Variants in PARD3B observed in about 807,000 individuals in gnomAD.
The protein encoded by PARD3B is partitioning defective 3 homolog B.
Under a neutral mutation model 130.2 loss-of-function variants are expected in PARD3B, and 103 were observed. That is an observed-to-expected ratio of 0.79 (90% CI 0.67 to 0.93). The LOEUF is 0.93. Ranked by LOEUF, PARD3B falls within the 40% of genes least tolerant of loss-of-function variation. The pLI is 0.00. For synonymous variants in PARD3B, 583 were observed against 553.2 expected, an observed-to-expected ratio of 1.05 and a Z score of -0.76; for missense variants, 1,609 against 1,499.2, an observed-to-expected ratio of 1.07 and a Z score of -1.21.
intron 3 of PARD3B, among the ~76,000 whole-genome samples, chr2:205,006,957 A>C (rs1695314024): frequency 6.6e-6 from 1 of 152,110 alleles, no homozygotes; most frequent in African/African-American, 2.4e-5. Flanking sequence ...CTTAGATTTA[A>C]GTATTTGATT....
intron 2 of PARD3B, among the ~76,000 whole-genome samples, chr2:204,882,350 C>T (rs7593310): frequency 6.6e-6 from 1 of 152,134 alleles, no homozygotes; most frequent in Non-Finnish European, 1.5e-5. Context: ...TCTAGATTAC[C>T]TCTTTTGGAG....
intron 2 of PARD3B, among the ~76,000 whole-genome samples, chr2:204,832,297 T>C (rs1213941342): frequency 6.6e-6 from 1 of 152,208 alleles, no homozygotes; most frequent in Non-Finnish European, 1.5e-5. Context: ...GATTTTTTAG[T>C]GTACTTCCTC....
intron 2 of PARD3B, among the ~76,000 whole-genome samples, chr2:204,716,662 G>A (rs1420627260): frequency 4.3e-5 from 6 of 139,744 alleles, no homozygotes; most frequent in Middle Eastern, 3.9e-3. Flanking sequence ...TTGCTCTGTC[G>A]CCCAGGCTGG....
Position 204,943,406 on chromosome 2 carries a change from C to T in PARD3B, c.223-21746C>T, listed in dbSNP as rs1027027131. 6.6e-6 allele frequency among the ~76,000 whole-genome samples: 1 copy of T among 152,064 alleles called. No homozygotes were observed. Among genetic ancestry groups the T allele is most frequent in the African/African-American group, 2.4e-5 (1 of 41,410 alleles). On this transcript the variant is annotated intron_variant, in intron 2 of 22. Transcript: ENST00000406610. The surrounding 1 kb of genome is among the most constrained non-coding windows in gnomAD (Gnocchi z 4.2). ...AGATCCCAGCAATGAGCCCTTTCCT[C>T]TGCTTCTCATGGAGTTCTTACTGGT...
At chr2:204,919,586 A>G (rs890239410) in intron 2 of PARD3B, among the ~76,000 whole-genome samples, 6 of 152,138 alleles carry the variant, frequency 3.9e-5, no homozygotes, top group African/African-American at 1.4e-4. Flanking sequence ...GCTCCTTTCT[A>G]ATGCTGGGTG....
At chr2:204,794,642 C>G (rs2042309022) in intron 2 of PARD3B, among the ~76,000 whole-genome samples, 1 of 152,162 alleles carries the variant, frequency 6.6e-6, no homozygotes, top group Non-Finnish European at 1.5e-5. Context: ...GTCAAATAAT[C>G]AGGTAGTGAT....
intron 8 of PARD3B, 58 bp from the exon 9 acceptor site, chr2:205,124,269 G>C: frequency 7.6e-7 from 1 of 1,318,860 alleles, no homozygotes; most frequent in Non-Finnish European, 1.0e-6. Flanking sequence ...CTGTAAGACT[G>C]AATATAATAT....
At chr2:204,980,573 CT>C (rs1326954485) in intron 3 of PARD3B, among the ~76,000 whole-genome samples, 60 of 152,304 alleles carry the variant, frequency 3.9e-4, no homozygotes, top group African/African-American at 1.3e-3. Context: ...AGATTATTAT[CT>C]CCAGGCATAA....
chr2:204,829,115 G>A (rs750434355), intron 2 of PARD3B, among the ~76,000 whole-genome samples: 3 of 152,094 alleles, frequency 2.0e-5, no homozygotes, highest in Non-Finnish European at 4.4e-5. Flanking sequence ...ATCTTGTTCT[G>A]AAACATAACT....
At chr2:205,492,350 A>G (rs577953862) in intron 20 of PARD3B, among the ~76,000 whole-genome samples, 21 of 152,298 alleles carry the variant, frequency 1.4e-4, no homozygotes, top group African/African-American at 4.8e-4. Flanking sequence ...ATAGAATATT[A>G]TAGGCAATTA....
At chr2:205,009,321 GA>G (rs1432323047) in intron 3 of PARD3B, among the ~76,000 whole-genome samples, 14 of 152,124 alleles carry the variant, frequency 9.2e-5, no homozygotes, top group African/African-American at 3.4e-4. Context: ...ATTGAGTAGA[GA>G]AAAACATACC....
chr2:205,410,257 G>T (rs2046551963), intron 19 of PARD3B, among the ~76,000 whole-genome samples: 1 of 152,084 alleles, frequency 6.6e-6, no homozygotes, highest in African/African-American at 2.4e-5. Flanking sequence ...TCAGATTTGG[G>T]ATGCTCAACC....
At chr2:204,589,855 G>A (rs957772285) in intron 1 of PARD3B, among the ~76,000 whole-genome samples, 3 of 152,110 alleles carry the variant, frequency 2.0e-5, no homozygotes, top group African/African-American at 7.2e-5. Context: ...TCAACTTTTT[G>A]GCACAGTCCC....
chr2:205,370,301 C>G (rs1180112914), intron 18 of PARD3B, among the ~76,000 whole-genome samples: 1 of 152,144 alleles, frequency 6.6e-6, no homozygotes, highest in African/African-American at 2.4e-5. Flanking sequence ...AACCCCTCAT[C>G]TACTAGAACC....
intron 4 of PARD3B, among the ~76,000 whole-genome samples, chr2:205,102,347 A>G (rs912733310): frequency 5.3e-5 from 8 of 151,970 alleles, no homozygotes; most frequent in Non-Finnish European, 1.2e-4. Flanking sequence ...AAGAAAGTTA[A>G]TGATTTTGGC....
At position 205,300,647 on chromosome 2, in the gene PARD3B, G is replaced by T. The variant is rs200673021; in HGVS notation, c.2303G>T (p.Arg768Leu). The change falls in exon 17 of 23, where the codon CGG becomes CTG. Residue 768 changes from arginine (R) to leucine (L), a missense_variant. Coordinates refer to ENST00000406610, the MANE Select transcript of PARD3B (RefSeq NM_001302769.2). This position sits in a 1 kb window ranked among gnomAD's most constrained non-coding sequence, Gnocchi z 4.1. ...RKNDLPFHRP[R>L]PHMVRGRGCN... ...AATGACCTTCCCTTTCACAGGCCCC[G>T]GCCGCACATGGTTCGAGGCCGAGGC... is the stretch of plus-strand genomic sequence containing the variant. The T allele has an allele frequency of 2.5e-6, 4 of 1,613,808 alleles. No individual in the cohort carries two copies. In the Admixed American group the frequency reaches 5.0e-5, roughly 20 times the overall value.
rs142018710 is a variant in PARD3B, at chr2:205,032,599, G to A, written c.395-14982G>A. On this transcript the variant is annotated intron_variant, in intron 3 of 22. Transcript: ENST00000406610. ...TCTCTGCCAGAAAAGCCTAGTTTCT[G>A]AGTTTTCTGGATTGAGCTTTATTTG... Among the ~76,000 whole-genome samples, 8 of 152,056 alleles carry A rather than the reference G, an allele frequency of 5.3e-5. No homozygotes were observed. In the East Asian group the frequency reaches 1.5e-3, roughly 29 times the overall value.
intron 3 of PARD3B, among the ~76,000 whole-genome samples, chr2:205,041,586 C>T (rs1202857555): frequency 1.3e-5 from 2 of 152,174 alleles, no homozygotes; most frequent in East Asian, 1.9e-4. Context: ...CTAGTTCTTA[C>T]AGAATGTCTT....
At chr2:205,031,134 G>C (rs1351724389) in intron 3 of PARD3B, among the ~76,000 whole-genome samples, 1 of 152,126 alleles carries the variant, frequency 6.6e-6, no homozygotes, top group Non-Finnish European at 1.5e-5. Context: ...AATCCATTTA[G>C]CTGTGTACGT....
Sources: allele counts gnomAD v4.1 joint callset (sites outside exome capture counted in the v4.1 genomes callset), GRCh38; gene constraint gnomAD v4.1.1; non-coding constraint Gnocchi (gnomAD v3.1); transcripts MANE v1.5; gene names NCBI Gene and HGNC (gene_info 2026-07-23, HGNC 2026-07-21).